Variants in ESRP1 observed in about 807,000 individuals in gnomAD.
The protein encoded by ESRP1 is epithelial splicing regulatory protein 1.
Under a neutral mutation model 81.7 loss-of-function variants are expected in ESRP1, and 33 were observed. That is an observed-to-expected ratio of 0.40 (90% CI 0.31 to 0.54). The LOEUF (loss-of-function observed/expected upper bound fraction) is 0.54. ESRP1 is among the 20% of genes least tolerant of loss of function. The probability of loss-of-function intolerance (pLI) is 0.41; values close to 1 mark genes in which losing one functional copy is unlikely to be tolerated. For synonymous variants in ESRP1, 320 were observed against 303.3 expected, an observed-to-expected ratio of 1.06 and a Z score of -0.57; for missense variants, 672 against 833.1, an observed-to-expected ratio of 0.81 and a Z score of 2.38.
chr8:94,643,421 G>A lies in ESRP1; in HGVS notation c.375+5G>A. ...CATCCTGAGGCTTCCAAGAAGGTAAGAGTGCTGGCTTCTGGGAAAAAAATG... is the reference window on the plus strand; with the variant it reads ...CATCCTGAGGCTTCCAAGAAGGTAAAAGTGCTGGCTTCTGGGAAAAAAATG... On this transcript the variant is annotated splice_donor_5th_base_variant and intron_variant, in intron 3 of 15. Transcript: ENST00000433389. The A allele has an allele frequency of 6.3e-7, 1 of 1,599,518 alleles. No individual in the cohort carries two copies. Among genetic ancestry groups the A allele is most frequent in the Non-Finnish European group, 8.6e-7 (1 of 1,166,694 alleles).
chr8:94,646,477 GGACGGATTTGGA>G (rs1235340430), intron 4 of ESRP1, 195 bp downstream of exon 4: 5 of 469,184 alleles, frequency 1.1e-5, no homozygotes, highest in Non-Finnish European at 1.9e-5. Flanking sequence ...TCAGATGGTT[GGACGGATTTGGA>G]GATGGATTTT....
intron 13 of ESRP1, among the ~76,000 whole-genome samples, chr8:94,689,806 C>T (rs368152507): frequency 0.011 from 836 of 75,284 alleles, 13 homozygotes; most frequent in African/African-American, 0.037. Flanking sequence ...TGCTATGATG[C>T]CTGGCTTTTT....
intron 4 of ESRP1, among the ~76,000 whole-genome samples, chr8:94,660,656 G>A (rs1818675933): frequency 2.2e-5 from 3 of 137,174 alleles, no homozygotes; most frequent in African/African-American, 8.3e-5. Flanking sequence ...AGGTTGCAGT[G>A]AGCTGAGGTT....
At chr8:94,688,391 C>T (rs552939970) in intron 13 of ESRP1, 13 of 285,020 alleles carry the variant, frequency 4.6e-5, no homozygotes, top group Non-Finnish European at 4.7e-5. Flanking sequence ...CATTTGAGAT[C>T]ACAGAGCTGG....
At chr8:94,703,869 A>G (rs948480920) in intron 15 of ESRP1, among the ~76,000 whole-genome samples, 4 of 152,182 alleles carry the variant, frequency 2.6e-5, no homozygotes, top group African/African-American at 7.2e-5. Context: ...AGATTAGGTG[A>G]TGGGGCAGTT....
chr8:94,659,835 T>G (rs1029593257), intron 4 of ESRP1, among the ~76,000 whole-genome samples: 1 of 152,258 alleles, frequency 6.6e-6, no homozygotes, highest in African/African-American at 2.4e-5. Flanking sequence ...CTTATTGCTA[T>G]GATATGGAGA....
intron 13 of ESRP1, among the ~76,000 whole-genome samples, chr8:94,690,841 G>A (rs1283329484): frequency 6.6e-6 from 1 of 152,156 alleles, no homozygotes; most frequent in African/African-American, 2.4e-5. Flanking sequence ...TCAAATATGT[G>A]CAGAAGTCCC....
intron 10 of ESRP1, among the ~76,000 whole-genome samples, chr8:94,671,056 A>G (rs769779677): frequency 1.3e-5 from 2 of 152,188 alleles, no homozygotes; most frequent in Non-Finnish European, 2.9e-5. Context: ...TACTTTTGCT[A>G]CAAAAGTCCA....
intron 4 of ESRP1, among the ~76,000 whole-genome samples, chr8:94,651,935 T>G (rs559127084): frequency 1.8e-4 from 27 of 151,870 alleles, no homozygotes; most frequent in Admixed American, 1.6e-3. Context: ...GTTCTGGTTC[T>G]TATTTTTGGC....
At chr8:94,671,013 G>A (rs1453743950) in intron 10 of ESRP1, among the ~76,000 whole-genome samples, 1 of 152,110 alleles carries the variant, frequency 6.6e-6, no homozygotes, top group Non-Finnish European at 1.5e-5. Flanking sequence ...GTAATGAGGG[G>A]AATACTGTGT....
chr8:94,672,595 C>G (rs775040174), intron 11 of ESRP1, among the ~76,000 whole-genome samples: 26 of 151,706 alleles, frequency 1.7e-4, no homozygotes, highest in African/African-American at 2.9e-4. Flanking sequence ...TGCAGTGGAG[C>G]AATCTCAGCT....
intron 6 of ESRP1, among the ~76,000 whole-genome samples, chr8:94,663,687 C>A (rs768094391): frequency 3.3e-5 from 5 of 152,158 alleles, no homozygotes; most frequent in Non-Finnish European, 5.9e-5. Context: ...ATAGAAACTT[C>A]TGACAGCTTT....
intron 12 of ESRP1, among the ~76,000 whole-genome samples, chr8:94,675,174 GA>G (rs1335770107): frequency 8.9e-6 from 1 of 112,298 alleles, no homozygotes. Flanking sequence ...TGTAGTCTAC[GA>G]AGTTCTAGTT....
In ESRP1 at chr8:94,705,331, C is replaced by T. The variant is rs191365941; in HGVS notation, c.*36-594C>T. 3.3e-5 allele frequency among the ~76,000 whole-genome samples: 5 copies of T among 152,080 alleles called. No individual in the cohort carries two copies. The East Asian group carries it at 9.7e-4, about 29-fold the overall frequency. ...TATAGGCACACACCACTACGCCCAG[C>T]TAATTTTTGTATTTTTAGTAGAGAT... On this transcript the variant is annotated intron_variant, in intron 15 of 15. Transcript: ENST00000433389.
At chr8:94,654,808 G>A (rs1818314603) in intron 4 of ESRP1, among the ~76,000 whole-genome samples, 1 of 151,838 alleles carries the variant, frequency 6.6e-6, no homozygotes, top group Non-Finnish European at 1.5e-5. Flanking sequence ...GCACACTCCT[G>A]TGGTCCATGC....
At chr8:94,659,148 C>G (rs563609345) in intron 4 of ESRP1, among the ~76,000 whole-genome samples, 33 of 151,912 alleles carry the variant, frequency 2.2e-4, no homozygotes, top group African/African-American at 8.0e-4. Context: ...CCCAAAGTGC[C>G]GGGATTACAG....
intron 4 of ESRP1, among the ~76,000 whole-genome samples, chr8:94,652,796 T>A (rs1195704759): frequency 6.6e-6 from 1 of 152,210 alleles, no homozygotes; most frequent in African/African-American, 2.4e-5. Context: ...ATTGACTTCT[T>A]ACTACATATG....
At chr8:94,674,529 C>A in intron 12 of ESRP1, 23 bp downstream of exon 12, 1 of 1,595,724 alleles carries the variant, frequency 6.3e-7, no homozygotes, top group South Asian at 1.1e-5. Context: ...TGGGTCTTGG[C>A]GCTATTCTAC....
At chr8:94,674,905 C>T (rs1586220413) in intron 12 of ESRP1, among the ~76,000 whole-genome samples, 1 of 152,274 alleles carries the variant, frequency 6.6e-6, no homozygotes, top group East Asian at 1.9e-4. Context: ...TTAAGAAGGG[C>T]AGTTTGATGC....
Sources: allele counts gnomAD v4.1 joint callset (sites outside exome capture counted in the v4.1 genomes callset), GRCh38; gene constraint gnomAD v4.1.1; transcripts MANE v1.5; gene names NCBI Gene and HGNC (gene_info 2026-07-23, HGNC 2026-07-21).